CATSPERE: variants seen among roughly 807,000 people sequenced by gnomAD.
The protein encoded by CATSPERE is catsper channel auxiliary subunit epsilon.
In CATSPERE, 93 loss-of-function variants were observed where a neutral mutation model predicts 114.1. The observed-to-expected ratio is 0.81, with a 90% confidence interval of 0.69 to 0.97. The LOEUF is 0.97. Among genes scored for constraint, CATSPERE ranks in the 50% least tolerant of loss-of-function variants. The pLI is 0.00. For missense variants in CATSPERE, 1,058 were observed against 1,131.6 expected (o/e 0.93, Z 0.93); for synonymous variants, 341 against 384.1 (o/e 0.89, Z 1.31).
chr1:244,632,153 T>C (rs1245350865), intron 20 of CATSPERE, among the ~76,000 whole-genome samples: 1 of 152,118 alleles, frequency 6.6e-6, no homozygotes, highest in Non-Finnish European at 1.5e-5. Flanking sequence ...CCCAGCACTT[T>C]GGGAGGCCGA....
intron 5 of CATSPERE, among the ~76,000 whole-genome samples, chr1:244,483,208 G>T (rs940723906): frequency 3.9e-5 from 6 of 152,172 alleles, no homozygotes; most frequent in African/African-American, 1.4e-4. Flanking sequence ...AGTGAAGAAC[G>T]TCAGGCCTCA....
chr1:244,569,872 C>T (rs951484821), intron 10 of CATSPERE, among the ~76,000 whole-genome samples: 4 of 152,140 alleles, frequency 2.6e-5, no homozygotes, highest in African/African-American at 9.7e-5. Context: ...TAGTGCTATA[C>T]TTTTTTGATT....
intron 20 of CATSPERE, among the ~76,000 whole-genome samples, chr1:244,620,586 G>C (rs1043605323): frequency 7.9e-5 from 12 of 152,118 alleles, no homozygotes; most frequent in African/African-American, 2.9e-4. Flanking sequence ...TCATTTTATA[G>C]GCTACAATTC....
At chr1:244,639,760 C>T (rs1319146328) in intron 21 of CATSPERE, among the ~76,000 whole-genome samples, 168 bp from the exon 22 acceptor site, 1 of 151,978 alleles carries the variant, frequency 6.6e-6, no homozygotes, top group African/African-American at 2.4e-5. Context: ...TCCCTGTCAG[C>T]CTCAAACACT....
chr1:244,489,050 A>T (rs190213430), intron 5 of CATSPERE, among the ~76,000 whole-genome samples: 1 of 152,242 alleles, frequency 6.6e-6, no homozygotes, highest in South Asian at 2.1e-4. Context: ...AATGCTAAAA[A>T]TATGCAGGTA....
rs4658422 is a variant in CATSPERE at position 244,526,238 on chromosome 1, C to A, written c.536+7540C>A. ...CATGGGCAATATGACAAAACCCTGC[C>A]TCTATGCACAAAATACAAAAATTAG... is the stretch of plus-strand genomic sequence containing the variant. On this transcript the variant is annotated intron_variant, in intron 8 of 21. Transcript: ENST00000366534. Among the ~76,000 whole-genome samples the A allele has an allele frequency of 2.7e-3, 409 of 152,134 alleles. 7 individuals carry two copies. The highest frequency in any genetic ancestry group is 0.023 in the Admixed American group (357 of 15,262).
chr1:244,573,207 C>T lies in CATSPERE; in HGVS notation c.1950+435C>T, dbSNP rs1212279663. Among the ~76,000 whole-genome samples, 13 of 152,008 alleles carry T rather than the reference C, an allele frequency of 8.6e-5. No homozygotes were observed. In the East Asian group the frequency reaches 2.5e-3, roughly 29 times the overall value. ...CAGGCAGATCACGAGGTCAGGAGAT[C>T]GAGACCATCCTGGCTAACACAGTGA... On this transcript the variant is annotated intron_variant, in intron 11 of 21. Coordinates refer to ENST00000366534, the MANE Select transcript of CATSPERE (RefSeq NM_001130957.2). This position sits in a 1 kb window ranked among gnomAD's most constrained non-coding sequence, Gnocchi z 4.0.
At chr1:244,480,513 G>A (rs143704337) in intron 5 of CATSPERE, among the ~76,000 whole-genome samples, 12 of 152,238 alleles carry the variant, frequency 7.9e-5, no homozygotes, top group Non-Finnish European at 1.6e-4. Flanking sequence ...TTAATTTTGT[G>A]TGACGTATAT....
chr1:244,451,979 C>A, upstream of CATSPERE: 1 of 677,746 alleles, frequency 1.5e-6, no homozygotes, highest in Non-Finnish European at 2.3e-6. The surrounding 1 kb of genome is among the most constrained non-coding windows in gnomAD (Gnocchi z 6.6). Context: ...GTCCCCGCCC[C>A]GCTCTCCGCC....
intron 7 of CATSPERE, among the ~76,000 whole-genome samples, chr1:244,513,260 C>T (rs1676056913): frequency 6.6e-6 from 1 of 151,950 alleles, no homozygotes; most frequent in Non-Finnish European, 1.5e-5. Flanking sequence ...CCAGGTGGCA[C>T]ACAGATGTGG....
chr1:244,467,818 G>C (rs1377370431), intron 2 of CATSPERE, among the ~76,000 whole-genome samples: 1 of 152,162 alleles, frequency 6.6e-6, no homozygotes, highest in African/African-American at 2.4e-5. Flanking sequence ...CAATATGGAT[G>C]AATCTCACTG....
At chr1:244,471,858 G>T (rs1415592173) in intron 2 of CATSPERE, among the ~76,000 whole-genome samples, 2 of 152,192 alleles carry the variant, frequency 1.3e-5, no homozygotes, top group Non-Finnish European at 2.9e-5. Context: ...CATATGTGGG[G>T]ACATATATTT....
intron 6 of CATSPERE, among the ~76,000 whole-genome samples, chr1:244,491,047 G>C (rs986837201): frequency 1.3e-5 from 2 of 152,056 alleles, no homozygotes; most frequent in African/African-American, 2.4e-5. Context: ...GAGACAGAAA[G>C]TTAACAAGGA....
intron 9 of CATSPERE, among the ~76,000 whole-genome samples, chr1:244,557,976 G>A (rs1002683472): frequency 6.6e-6 from 1 of 151,404 alleles, no homozygotes; most frequent in Non-Finnish European, 1.5e-5. Context: ...TTTCAGACAG[G>A]GTCTCACTCT....
chr1:244,621,484 G>A (rs903544046), intron 20 of CATSPERE, among the ~76,000 whole-genome samples: 2 of 150,870 alleles, frequency 1.3e-5, no homozygotes, highest in Non-Finnish European at 2.9e-5. Context: ...AATATGCTCA[G>A]CAGAAGCAAA....
chr1:244,477,650 T>G, intron 3 of CATSPERE, 36 bp downstream of exon 3: 1 of 1,283,796 alleles, frequency 7.8e-7, no homozygotes, highest in Non-Finnish European at 1.1e-6. Flanking sequence ...TGTATGTGTA[T>G]ATTTTTTAAT....
At chr1:244,623,188 A>G (rs539571237) in intron 20 of CATSPERE, among the ~76,000 whole-genome samples, 2 of 151,864 alleles carry the variant, frequency 1.3e-5, no homozygotes, top group Non-Finnish European at 2.9e-5. Context: ...AGCGATTCTC[A>G]TGCCTCAGCC....
chr1:244,457,341 T>A (rs1341893873), upstream of CATSPERE, among the ~76,000 whole-genome samples: 1 of 152,230 alleles, frequency 6.6e-6, no homozygotes, highest in Admixed American at 6.5e-5. Flanking sequence ...ATGGTCAAAG[T>A]AATTAAAACT....
At chr1:244,550,366 G>C (rs1448024953) in intron 8 of CATSPERE, among the ~76,000 whole-genome samples, 1 of 152,022 alleles carries the variant, frequency 6.6e-6, no homozygotes, top group Non-Finnish European at 1.5e-5. Flanking sequence ...GCTATACAGT[G>C]GAAAGCCAAA....
Sources: gnomAD v4.1 joint callset for allele counts (sites outside exome capture counted in the v4.1 genomes callset) on GRCh38, gnomAD v4.1.1 for gene constraint, Gnocchi (gnomAD v3.1) non-coding constraint, MANE v1.5 for transcripts, NCBI Gene and HGNC (gene_info 2026-07-23, HGNC 2026-07-21) for gene names.